TIMM9: variants seen among roughly 807,000 people sequenced by gnomAD.
TIMM9 encodes the protein translocase of inner mitochondrial membrane 9, also known as mitochondrial import inner membrane translocase subunit Tim9.
In TIMM9, 10 loss-of-function variants were observed where a neutral mutation model predicts 13.4. The ratio of observed to expected loss-of-function variants is 0.75; its 90% CI spans 0.46 to 1.26. The LOEUF (loss-of-function observed/expected upper bound fraction) is 1.26. TIMM9 is among the 50% of genes most tolerant of loss of function. TIMM9 has a pLI of 0.00. For missense variants in TIMM9, 87 were observed against 100.8 expected (o/e 0.86, Z 0.58); for synonymous variants, 32 against 32.1 (o/e 1.00, Z 0.01).
intron 3 of TIMM9, among the ~76,000 whole-genome samples, chr14:58,413,113 G>A (rs374863245): frequency 5.3e-5 from 8 of 152,030 alleles, no homozygotes; most frequent in Non-Finnish European, 7.4e-5. Flanking sequence ...GACATTTTAC[G>A]TTCCTTTTCT....
At chr14:58,414,736 C>CAAAAAAAAAAAAAA (rs35380721) in intron 3 of TIMM9, among the ~76,000 whole-genome samples, 1 of 117,546 alleles carries the variant, frequency 8.5e-6, no homozygotes, top group African/African-American at 3.3e-5. Flanking sequence ...GACGCCATCT[C>CAAAAAAAAAAAAAA]AAAAAAAAAA....
intron 3 of TIMM9, among the ~76,000 whole-genome samples, chr14:58,419,733 C>T (rs1042381390): frequency 6.6e-6 from 1 of 151,474 alleles, no homozygotes; most frequent in Non-Finnish European, 1.5e-5. Flanking sequence ...TGACAAACCC[C>T]GTCTTTACCA....
At chr14:58,412,830 C>G (rs1478382598) in intron 3 of TIMM9, among the ~76,000 whole-genome samples, 1 of 151,826 alleles carries the variant, frequency 6.6e-6, no homozygotes, top group Non-Finnish European at 1.5e-5. Flanking sequence ...GAACTCAGGA[C>G]GTTGAGGTTA....
In TIMM9 at chr14:58,409,857, C is replaced by T. The variant is rs1349738067; in HGVS notation, c.136-689G>A. ...CCTCCCAATGTGCTGAAGTTCCAGGCGTGAGCCACCGCGCCCAGCCTATTT... is the reference window on the plus strand; with the variant it reads ...CCTCCCAATGTGCTGAAGTTCCAGGTGTGAGCCACCGCGCCCAGCCTATTT... On this transcript the variant is annotated intron_variant, in intron 5 of 5. Coordinates refer to ENST00000395159, the MANE Select transcript of TIMM9 (RefSeq NM_012460.4). Among the ~76,000 whole-genome samples the T allele has an allele frequency of 3.3e-5, 5 of 152,160 alleles. No homozygotes were observed. In the South Asian group the frequency reaches 8.3e-4, roughly 25 times the overall value.
intron 3 of TIMM9, among the ~76,000 whole-genome samples, chr14:58,416,908 G>T (rs2036427550): frequency 6.6e-6 from 1 of 152,134 alleles, no homozygotes; most frequent in South Asian, 2.1e-4. Context: ...TGGAGTTCAA[G>T]ACCAGCCTGG....
rs201223599 is a variant in TIMM9 at position 58,410,953 on chromosome 14, G to C, written c.40-15C>G. On this transcript the variant is annotated splice_polypyrimidine_tract_variant and intron_variant, in intron 4 of 5. Coordinates refer to ENST00000395159, the MANE Select transcript of TIMM9 (RefSeq NM_012460.4). ...AATTCCTTAAACTACAAACAAACCA[G>C]AATGTTCTTTAGTATTTGGTTTTTA... The C allele has an allele frequency of 6.3e-7, 1 of 1,575,856 alleles. No homozygotes were observed.
intron 4 of TIMM9, 71 bp from the exon 5 acceptor site, chr14:58,411,009 G>A: frequency 9.5e-7 from 1 of 1,053,350 alleles, no homozygotes; most frequent in Non-Finnish European, 1.4e-6. Flanking sequence ...TTAAATTACT[G>A]GTATTTTATA....
intron 2 of TIMM9, among the ~76,000 whole-genome samples, chr14:58,425,196 C>T (rs887141939): frequency 1.3e-5 from 2 of 151,838 alleles, no homozygotes; most frequent in South Asian, 2.1e-4. Context: ...AGATCACGTG[C>T]GGTCAGGAGT....
chr14:58,422,863 A>G (rs890387457), intron 3 of TIMM9, among the ~76,000 whole-genome samples: 1 of 151,938 alleles, frequency 6.6e-6, no homozygotes, highest in Non-Finnish European at 1.5e-5. Flanking sequence ...AGGCTGGAGT[A>G]CAGTGGTGCA....
At position 58,427,487 on chromosome 14, in the gene TIMM9, T is replaced by C. The variant is rs939053088; in HGVS notation, c.-399A>G. 2.7e-6 allele frequency: 3 copies of C among 1,121,506 alleles called. No individual in the cohort carries two copies. The highest frequency in any genetic ancestry group is 3.1e-5 in the African/African-American group (2 of 64,414). The allele number at this position is 1,121,506 out of a possible 1,614,324, so 69.5% of individuals were successfully genotyped here. On this transcript the variant is annotated 5_prime_UTR_variant, in exon 1 of 6. Transcript: ENST00000395159. ...TTACAAGTCGGGAGCTCTTCAAGTC[T>C]TGGATGAGACTGTAGAGCGGTCTTG...
At chr14:58,410,779 A>C in intron 5 of TIMM9, 64 bp downstream of exon 5, 1 of 1,120,172 alleles carries the variant, frequency 8.9e-7, no homozygotes, top group Non-Finnish European at 1.3e-6. Context: ...GAAATGCTTA[A>C]GGGGATCCTA....
chr14:58,411,952 C>T lies in TIMM9; in HGVS notation c.-7G>A. 1 of 1,613,462 alleles carries T rather than the reference C, an allele frequency of 6.2e-7. No homozygotes were observed. The highest frequency in any genetic ancestry group is 8.5e-7 in the Non-Finnish European group (1 of 1,179,440). On this transcript the variant is annotated 5_prime_UTR_variant, in exon 4 of 6. Transcript: ENST00000395159. ...CTGGTATTTGTGCAGCCATATTCTT[C>T]TGGTACCTTTATTAGTCACCTAATT...
chr14:58,408,526 C>G lies in TIMM9; in HGVS notation c.*508G>C. 1 of 1,613,234 alleles carries G rather than the reference C, an allele frequency of 6.2e-7. No homozygotes were observed. The highest frequency in any genetic ancestry group is 8.5e-7 in the Non-Finnish European group (1 of 1,179,646). ...GCAAGTAACTATTTTATGTATTCAC[C>G]AGCAATTTGAGGCAGACATGAATGA... On this transcript the variant is annotated 3_prime_UTR_variant, in exon 6 of 6. Coordinates refer to ENST00000395159, the MANE Select transcript of TIMM9 (RefSeq NM_012460.4).
intron 3 of TIMM9, among the ~76,000 whole-genome samples, chr14:58,421,220 T>C (rs1340374000): frequency 6.6e-6 from 1 of 152,168 alleles, no homozygotes; most frequent in Admixed American, 6.5e-5. Flanking sequence ...CCTGGAAAAT[T>C]CTGCTGAGGA....
chr14:58,414,253 C>T (rs967911855), intron 3 of TIMM9, among the ~76,000 whole-genome samples: 4 of 151,922 alleles, frequency 2.6e-5, no homozygotes, highest in African/African-American at 9.7e-5. Flanking sequence ...CTTTATGAAG[C>T]TTTGTTGAAA....
chr14:58,421,414 T>C (rs1420451389), intron 3 of TIMM9, among the ~76,000 whole-genome samples: 1 of 152,266 alleles, frequency 6.6e-6, no homozygotes, highest in East Asian at 1.9e-4. Context: ...AATAGAAATA[T>C]TCTGTATCTT....
At chr14:58,418,239 T>C (rs1384788304) in intron 3 of TIMM9, among the ~76,000 whole-genome samples, 1 of 152,070 alleles carries the variant, frequency 6.6e-6, no homozygotes, top group Non-Finnish European at 1.5e-5. Context: ...ATCATAAACA[T>C]TGATGCAGAA....
chr14:58,419,482 C>CAT (rs2036522108), intron 3 of TIMM9, among the ~76,000 whole-genome samples: 1 of 149,184 alleles, frequency 6.7e-6, no homozygotes, highest in East Asian at 2.2e-4. Context: ...CACACACACA[C>CAT]ACACACACAC....
intron 3 of TIMM9, among the ~76,000 whole-genome samples, chr14:58,421,073 T>C (rs1195584536): frequency 1.3e-5 from 2 of 152,184 alleles, no homozygotes; most frequent in African/African-American, 4.8e-5. Context: ...TGAATGTTTG[T>C]AGAAACTCTA....
Sources: allele counts gnomAD v4.1 joint callset (sites outside exome capture counted in the v4.1 genomes callset), GRCh38; gene constraint gnomAD v4.1.1; transcripts MANE v1.5; gene names NCBI Gene and HGNC (gene_info 2026-07-23, HGNC 2026-07-21).